UCHL5: variants seen among roughly 807,000 people sequenced by gnomAD.
UCHL5 encodes ubiquitin carboxyl-terminal hydrolase isozyme L5.
UCHL5 carries 34 observed loss-of-function variants against 53.8 expected under a neutral mutation model. The observed-to-expected ratio is 0.63, with a 90% CI of 0.48 to 0.84. The LOEUF (loss-of-function observed/expected upper bound fraction) is 0.84, where lower values mean the gene tolerates loss of function less well. UCHL5 is among the 40% of genes least tolerant of loss of function. The probability of loss-of-function intolerance (pLI) is 0.00; values close to 1 mark genes in which losing one functional copy is unlikely to be tolerated. For missense variants in UCHL5, 290 were observed against 385.6 expected (o/e 0.75, Z 2.08); for synonymous variants, 111 against 126.3 (o/e 0.88, Z 0.81).
chr1:193,034,418 C>CA (rs1260466319), intron 3 of UCHL5, among the ~76,000 whole-genome samples: 1 of 151,858 alleles, frequency 6.6e-6, no homozygotes, highest in Non-Finnish European at 1.5e-5. Context: ...TAAAGAGCCA[C>CA]AATAGTCCCT....
chr1:193,059,418 G>T (rs374438890), upstream of UCHL5: 258 of 1,610,578 alleles, frequency 1.6e-4, no homozygotes, highest in Middle Eastern at 6.6e-4. The surrounding 1 kb of genome is among the most constrained non-coding windows in gnomAD (Gnocchi z 4.9). Flanking sequence ...GTCACCTGCA[G>T]CGCGACTGAG....
chr1:193,022,612 G>T (rs543372921), intron 9 of UCHL5, among the ~76,000 whole-genome samples: 1 of 145,370 alleles, frequency 6.9e-6, no homozygotes, highest in African/African-American at 2.6e-5. Context: ...GTTGCAGTGA[G>T]CCAAGATTGC....
chr1:193,055,002 A>G (rs137986870), intron 1 of UCHL5, among the ~76,000 whole-genome samples: 15 of 152,350 alleles, frequency 9.8e-5, no homozygotes, highest in African/African-American at 3.4e-4. Context: ...AAACATTATA[A>G]AGACACAAAT....
chr1:193,050,576 A>T (rs977877888), intron 2 of UCHL5, among the ~76,000 whole-genome samples: 2 of 151,850 alleles, frequency 1.3e-5, no homozygotes, highest in African/African-American at 4.8e-5. Context: ...CTACTAAAAA[A>T]ACAAAAACAA....
chr1:193,049,081 A>G (rs1236838767), intron 3 of UCHL5, among the ~76,000 whole-genome samples: 1 of 152,010 alleles, frequency 6.6e-6, no homozygotes, highest in Non-Finnish European at 1.5e-5. Context: ...TTTGTTTTAT[A>G]GAGACGGGTC....
chr1:193,034,401 G>GA (rs1490042544), intron 3 of UCHL5, among the ~76,000 whole-genome samples: 4 of 151,636 alleles, frequency 2.6e-5, no homozygotes, highest in Non-Finnish European at 5.9e-5. Context: ...ACCAACTCAA[G>GA]AAAAAATAAA....
intron 7 of UCHL5, among the ~76,000 whole-genome samples, chr1:193,024,912 C>G (rs1658573840): frequency 6.6e-6 from 1 of 152,128 alleles, no homozygotes; most frequent in Non-Finnish European, 1.5e-5. Context: ...GATTGTGGGA[C>G]TTCCATGTCC....
rs1654831384 is a variant in UCHL5, at chr1:193,015,936, A to G, written c.*415T>C. On this transcript the variant is annotated 3_prime_UTR_variant, in exon 11 of 11. Transcript: ENST00000367454. ...CTCAAAACACTTAGATATCAAAGATAGAAATACTGATTTTTTTTCCGTTAA... is the reference window on the plus strand; with the variant it reads ...CTCAAAACACTTAGATATCAAAGATGGAAATACTGATTTTTTTTCCGTTAA... 5.0e-5 allele frequency: 8 copies of G among 160,346 alleles called. No individual in the cohort carries two copies. The South Asian group carries it at 1.5e-3, about 29-fold the overall frequency. The allele number at this position is 160,346 out of a possible 1,614,324, so 9.9% of individuals were successfully genotyped here.
intron 4 of UCHL5, 39 bp from the exon 5 acceptor site, chr1:193,029,488 C>CATA: frequency 6.2e-7 from 1 of 1,613,166 alleles, no homozygotes; most frequent in Non-Finnish European, 8.5e-7. Flanking sequence ...AATATACAAA[C>CATA]TTTCACAAAT....
chr1:193,030,472 C>T (rs1467470039), intron 3 of UCHL5, among the ~76,000 whole-genome samples: 12 of 152,178 alleles, frequency 7.9e-5, no homozygotes. Flanking sequence ...TGTACATACA[C>T]GTGGTCTCTC....
At chr1:193,059,601 A>G (rs1318222477), upstream of UCHL5, 39 of 1,447,296 alleles carry the variant, frequency 2.7e-5, no homozygotes, top group Non-Finnish European at 3.6e-5. The surrounding 1 kb of genome is among the most constrained non-coding windows in gnomAD (Gnocchi z 4.9). Context: ...GGGCAAAAGA[A>G]GAGGGGCAGG....
intron 3 of UCHL5, among the ~76,000 whole-genome samples, chr1:193,038,522 C>T (rs891285624): frequency 2.0e-5 from 3 of 151,228 alleles, no homozygotes; most frequent in African/African-American, 7.3e-5. Context: ...ATCATTTTTA[C>T]CATTTTATTC....
intron 10 of UCHL5, chr1:193,018,402 A>G (rs186784582): frequency 1.4e-3 from 778 of 563,130 alleles, no homozygotes; most frequent in Admixed American, 1.9e-3. Context: ...AGTCTCACAA[A>G]TGTAATCTTA....
intron 3 of UCHL5, among the ~76,000 whole-genome samples, chr1:193,040,014 TAA>T (rs1664990107): frequency 6.6e-6 from 1 of 152,138 alleles, no homozygotes; most frequent in Non-Finnish European, 1.5e-5. Flanking sequence ...ATTAAAGACT[TAA>T]ATATAAGACT....
At chr1:193,049,191 T>C (rs1218745335) in intron 3 of UCHL5, among the ~76,000 whole-genome samples, 7 of 152,112 alleles carry the variant, frequency 4.6e-5, no homozygotes, top group African/African-American at 1.7e-4. Flanking sequence ...GGCGGGTGTA[T>C]CACCTGAGAG....
intron 1 of UCHL5, among the ~76,000 whole-genome samples, chr1:193,058,609 G>A (rs1671598730): frequency 1.3e-5 from 2 of 152,260 alleles, no homozygotes; most frequent in African/African-American, 4.8e-5. Context: ...AATGAGCAGA[G>A]AGCGGAACCA....
chr1:193,052,969 G>GA (rs1271270086), intron 1 of UCHL5, among the ~76,000 whole-genome samples: 1 of 151,736 alleles, frequency 6.6e-6, no homozygotes, highest in East Asian at 1.9e-4. Flanking sequence ...GGTTAAAAAA[G>GA]AAAAAAAAGT....
chr1:193,021,076 A>G lies in UCHL5; in HGVS notation c.942+21T>C, dbSNP rs375705254. ...TGGAGACTCTAAACTTAATTTAAGT[A>G]TCTACCAATAAAATACTTACCTTTT... On this transcript the variant is annotated intron_variant, in intron 10 of 10. Coordinates refer to ENST00000367454, the MANE Select transcript of UCHL5 (RefSeq NM_001199261.3). The G allele has an allele frequency of 1.2e-5, 18 of 1,509,668 alleles. No individual in the cohort carries two copies. The African/African-American group carries it at 2.3e-4, about 20-fold the overall frequency. The allele number at this position is 1,509,668 out of a possible 1,614,324, so 93.5% of individuals were successfully genotyped here.
At chr1:193,054,460 G>A (rs1348838704) in intron 1 of UCHL5, among the ~76,000 whole-genome samples, 1 of 152,104 alleles carries the variant, frequency 6.6e-6, no homozygotes, top group African/African-American at 2.4e-5. Flanking sequence ...TCATTCCATG[G>A]TACAGATAAA....
Sources: allele counts gnomAD v4.1 joint callset (sites outside exome capture counted in the v4.1 genomes callset), GRCh38; gene constraint gnomAD v4.1.1; non-coding constraint Gnocchi (gnomAD v3.1); transcripts MANE v1.5; gene names NCBI Gene and HGNC (gene_info 2026-07-23, HGNC 2026-07-21).